The following POC1B variants were observed in gnomAD, a reference collection of about 807,000 sequenced individuals.
POC1B encodes POC1 centriolar protein B, also known as POC1 centriolar protein homolog B.
POC1B carries 44 observed loss-of-function variants against 60.6 expected under a neutral mutation model. That is an observed-to-expected ratio of 0.73 (90% CI 0.57 to 0.93). The LOEUF (loss-of-function observed/expected upper bound fraction) is 0.93. POC1B is among the 40% of genes least tolerant of loss of function. POC1B has a pLI of 0.00. For missense variants in POC1B, 555 were observed against 572.3 expected (o/e 0.97, Z 0.31); for synonymous variants, 180 against 198.9 (o/e 0.90, Z 0.80).
chr12:89,445,413 A>C (rs916899683), intron 10 of POC1B, among the ~76,000 whole-genome samples: 8 of 152,234 alleles, frequency 5.3e-5, no homozygotes, highest in African/African-American at 1.9e-4. Context: ...ATGAAGATAT[A>C]GACCAATGGA....
At chr12:89,467,036 T>C in intron 8 of POC1B, 114 bp from the exon 9 acceptor site, 1 of 743,088 alleles carries the variant, frequency 1.3e-6, no homozygotes, top group Non-Finnish European at 2.0e-6. Flanking sequence ...AGGGTAGATA[T>C]ATATTTCAAC....
chr12:89,477,997 CT>C (rs1462444299), intron 4 of POC1B, among the ~76,000 whole-genome samples: 1 of 152,204 alleles, frequency 6.6e-6, no homozygotes. Flanking sequence ...TTCAATGTCA[CT>C]TCCTCAGGAA....
chr12:89,434,639 C>T (rs940175537), intron 10 of POC1B, among the ~76,000 whole-genome samples: 1 of 152,188 alleles, frequency 6.6e-6, no homozygotes, highest in Non-Finnish European at 1.5e-5. Flanking sequence ...GAACATAACA[C>T]CAACTTTCTG....
At chr12:89,421,714 T>G (rs1478871885) in intron 11 of POC1B, among the ~76,000 whole-genome samples, 1 of 152,196 alleles carries the variant, frequency 6.6e-6, no homozygotes, top group Admixed American at 6.5e-5. Flanking sequence ...CCTATAGCAC[T>G]GCAGATGGAT....
chr12:89,450,404 C>T (rs1009676153), intron 10 of POC1B, among the ~76,000 whole-genome samples: 5 of 152,246 alleles, frequency 3.3e-5, no homozygotes, highest in South Asian at 4.1e-4. Flanking sequence ...GACAGGGTTT[C>T]GCCATGTTGG....
At chr12:89,506,389 C>G (rs1565754691) in intron 2 of POC1B, among the ~76,000 whole-genome samples, 1 of 151,798 alleles carries the variant, frequency 6.6e-6, no homozygotes, top group Non-Finnish European at 1.5e-5. Flanking sequence ...CTAAAGTTTT[C>G]TCTGTTAGTA....
intron 10 of POC1B, among the ~76,000 whole-genome samples, chr12:89,437,347 G>C (rs1052880815): frequency 4.6e-5 from 7 of 152,084 alleles, no homozygotes; most frequent in African/African-American, 7.2e-5. Context: ...ACACATTCGA[G>C]ATCATTCACA....
chr12:89,500,917 G>A (rs911833237), intron 2 of POC1B: 15 of 994,304 alleles, frequency 1.5e-5, no homozygotes, highest in South Asian at 6.0e-5. Context: ...ACAGTAAAAC[G>A]AAAAAGTGAA....
At chr12:89,514,794 G>A (rs1222697213) in intron 2 of POC1B, among the ~76,000 whole-genome samples, 1 of 151,934 alleles carries the variant, frequency 6.6e-6, no homozygotes, top group African/African-American at 2.4e-5. Flanking sequence ...ACATGCTTCA[G>A]GTCCTGCTTC....
chr12:89,478,359 T>A (rs923052210), intron 4 of POC1B, among the ~76,000 whole-genome samples: 1 of 152,122 alleles, frequency 6.6e-6, no homozygotes, highest in Non-Finnish European at 1.5e-5. Context: ...CCTCAAGTGA[T>A]CCACCCGCCT....
At chr12:89,470,277 G>A (rs1391594540) in intron 7 of POC1B, 84 bp downstream of exon 7, 1 of 814,842 alleles carries the variant, frequency 1.2e-6, no homozygotes, top group African/African-American at 1.8e-5. Flanking sequence ...AAACAATAAA[G>A]GGACATAAAA....
chr12:89,512,378 A>G (rs1870231717), intron 2 of POC1B, among the ~76,000 whole-genome samples: 1 of 152,230 alleles, frequency 6.6e-6, no homozygotes, highest in African/African-American at 2.4e-5. Context: ...AATTTATTCA[A>G]ATTTCACATG....
intron 11 of POC1B, 48 bp downstream of exon 11, chr12:89,425,113 G>A (rs1230098695): frequency 2.1e-5 from 33 of 1,575,756 alleles, no homozygotes; most frequent in Non-Finnish European, 2.7e-5. Flanking sequence ...GAATTGTTTT[G>A]TGTATTTTAC....
At chr12:89,482,955 G>C (rs1031180571) in intron 4 of POC1B, among the ~76,000 whole-genome samples, 1 of 146,808 alleles carries the variant, frequency 6.8e-6, no homozygotes, top group Admixed American at 6.9e-5. Context: ...ATGGAGTTTC[G>C]CTCTTGTTGC....
intron 2 of POC1B, among the ~76,000 whole-genome samples, chr12:89,504,078 G>A (rs1382178846): frequency 1.3e-5 from 2 of 152,186 alleles, no homozygotes; most frequent in Non-Finnish European, 2.9e-5. Flanking sequence ...GAGCCCCTCT[G>A]CCCGGCCACC....
intron 2 of POC1B, among the ~76,000 whole-genome samples, chr12:89,497,697 T>A (rs10858881): frequency 1.3e-5 from 2 of 152,198 alleles, no homozygotes; most frequent in Non-Finnish European, 1.5e-5. Flanking sequence ...CTAGTTAACC[T>A]CTGTGTCATG....
intron 2 of POC1B, among the ~76,000 whole-genome samples, chr12:89,518,875 CTA>C (rs1442901125): frequency 6.6e-6 from 1 of 152,066 alleles, no homozygotes; most frequent in Non-Finnish European, 1.5e-5. Flanking sequence ...TTTAGGTCAC[CTA>C]TATATATGCT....
intron 4 of POC1B, among the ~76,000 whole-genome samples, chr12:89,473,293 TC>T (rs1882973944): frequency 6.6e-6 from 1 of 152,244 alleles, no homozygotes; most frequent in South Asian, 2.1e-4. Flanking sequence ...TAAAATTAAT[TC>T]TTTGTGACAG....
chr12:89,501,928 A>G (rs1277656774), intron 2 of POC1B: 1 of 1,113,022 alleles, frequency 9.0e-7, no homozygotes, highest in African/African-American at 1.5e-5. Context: ...TCATGATGAA[A>G]TTTCCAGTTG....
Sources: gnomAD v4.1 joint callset for allele counts (sites outside exome capture counted in the v4.1 genomes callset) on GRCh38, gnomAD v4.1.1 for gene constraint, MANE v1.5 for transcripts, NCBI Gene and HGNC (gene_info 2026-07-23, HGNC 2026-07-21) for gene names.